PCDHGA8: variants seen among roughly 807,000 people sequenced by gnomAD.
The protein encoded by PCDHGA8 is protocadherin gamma subfamily A, 8, also known as protocadherin gamma-A8.
In PCDHGA8, 45 loss-of-function variants were observed where a neutral mutation model predicts 59.2. That is an observed-to-expected ratio of 0.76 (90% CI 0.60 to 0.98). The LOEUF is 0.98. Ranked by LOEUF, PCDHGA8 falls within the 50% of genes least tolerant of loss-of-function variation. The pLI is 0.00. For missense variants in PCDHGA8, 1,257 were observed against 1,196.2 expected (o/e 1.05, Z -0.75); for synonymous variants, 531 against 519.0 (o/e 1.02, Z -0.32).
chr5:141,447,430 A>G (rs960560239), intron 1 of PCDHGA8, among the ~76,000 whole-genome samples: 9 of 152,156 alleles, frequency 5.9e-5, no homozygotes, highest in African/African-American at 2.2e-4. Flanking sequence ...GAGCCACCGC[A>G]CCCGGAGGAA....
chr5:141,431,790 C>T lies in PCDHGA8; in HGVS notation c.2424+36553C>T, dbSNP rs2097417829. On this transcript the variant is annotated intron_variant, in intron 1 of 3. Transcript: ENST00000398604. This position sits in a 1 kb window ranked among gnomAD's most constrained non-coding sequence, Gnocchi z 4.8. The stretch of plus-strand genomic sequence containing the variant: ...ACTGTTCTGGACGTGAACGACAATG[C>T]CCCAGAAGTGGTCCTCACCTCTCTC... 4.3e-6 allele frequency: 7 copies of T among 1,614,186 alleles called. No individual in the cohort carries two copies. The highest frequency in any genetic ancestry group is 5.9e-6 in the Non-Finnish European group (7 of 1,180,016).
chr5:141,436,859 A>T (rs550974791), intron 1 of PCDHGA8, among the ~76,000 whole-genome samples: 1 of 152,250 alleles, frequency 6.6e-6, no homozygotes, highest in Non-Finnish European at 1.5e-5. Flanking sequence ...TTGAGAAGCC[A>T]CAGTTTTAGG....
chr5:141,477,080 A>C lies in PCDHGA8; in HGVS notation c.2425-17727A>C. 1 of 1,614,254 alleles carries C rather than the reference A, an allele frequency of 6.2e-7. No homozygotes were observed. ...GGACACCAAACTCCATGAGATTTAC[A>C]TCCAGGCCAAAGACAAGGGCGCCAA... On this transcript the variant is annotated intron_variant, in intron 1 of 3. Coordinates refer to ENST00000398604, the MANE Select transcript of PCDHGA8 (RefSeq NM_032088.2). This position sits in a 1 kb window ranked among gnomAD's most constrained non-coding sequence, Gnocchi z 4.9.
chr5:141,490,338 C>A lies in PCDHGA8; in HGVS notation c.2425-4469C>A, dbSNP rs1408559629. Reference sequence around the variant, plus strand: ...CTGTCCTAGAGAGCACACCAGTGGGCACAGTAGTGGGGTTGTTTAATGTGC... The same window carrying A: ...CTGTCCTAGAGAGCACACCAGTGGGAACAGTAGTGGGGTTGTTTAATGTGC... On this transcript the variant is annotated intron_variant, in intron 1 of 3. Coordinates refer to ENST00000398604, the MANE Select transcript of PCDHGA8 (RefSeq NM_032088.2). This position sits in a 1 kb window ranked among gnomAD's most constrained non-coding sequence, Gnocchi z 5.4. 6.2e-7 allele frequency: 1 copy of A among 1,614,184 alleles called. No homozygotes were observed. The highest frequency in any genetic ancestry group is 1.7e-5 in the Admixed American group (1 of 60,032).
At chr5:141,418,349 A>G in intron 1 of PCDHGA8, 1 of 1,614,016 alleles carries the variant, frequency 6.2e-7, no homozygotes, top group South Asian at 1.1e-5. Context: ...TGATATTAGT[A>G]TGAATTCGCT....
In PCDHGA8 at chr5:141,428,992, C is replaced by A. The variant is rs986416866; in HGVS notation, c.2424+33755C>A. The A allele has an allele frequency of 1.3e-4, 20 of 152,092 alleles. 1 individual carries two copies. Among genetic ancestry groups the A allele is most frequent in the Admixed American group, 1.2e-3 (18 of 15,248 alleles). 9.4% of individuals were successfully genotyped at this position (152,092 alleles called of 1,614,324 possible). On this transcript the variant is annotated intron_variant, in intron 1 of 3. Transcript: ENST00000398604. Reference sequence around the variant, plus strand: ...GCCTCAGCCTCCCGGGTAGCTGGGACTACAGGCGCCCGCCACCACGCCCGG... The same window carrying A: ...GCCTCAGCCTCCCGGGTAGCTGGGAATACAGGCGCCCGCCACCACGCCCGG...
intron 1 of PCDHGA8, chr5:141,428,330 T>C: frequency 1.6e-6 from 1 of 628,558 alleles, no homozygotes; most frequent in Non-Finnish European, 2.9e-6. Flanking sequence ...TTGATTTCTA[T>C]GCTCTTCTTC....
intron 1 of PCDHGA8, chr5:141,418,087 C>G (rs2096220274): frequency 6.2e-7 from 1 of 1,613,894 alleles, no homozygotes; most frequent in African/African-American, 1.3e-5. Context: ...TGCACTTCAG[C>G]GTAGACGCGC....
intron 1 of PCDHGA8, chr5:141,403,591 G>A (rs1377998886): frequency 2.5e-6 from 4 of 1,613,836 alleles, no homozygotes; most frequent in East Asian, 2.2e-5. Context: ...TGGTCCTCAC[G>A]GCCTCGGATG....
At chr5:141,473,205 A>G (rs370808895) in intron 1 of PCDHGA8, among the ~76,000 whole-genome samples, 1 of 152,036 alleles carries the variant, frequency 6.6e-6, no homozygotes, top group African/African-American at 2.4e-5. Flanking sequence ...CTTCTAAAAA[A>G]TGCTTACTTC....
At chr5:141,444,152 ATTTTTTTTTTTTTTTTTTT>A (rs747671382) in intron 1 of PCDHGA8, among the ~76,000 whole-genome samples, 14 of 33,898 alleles carry the variant, frequency 4.1e-4, no homozygotes, top group South Asian at 3.1e-3. Flanking sequence ...TGTGTACTGG[ATTTTTTTTTTTTTTTTTTT>A]TTTTTTTTTT....
chr5:141,494,950 A>T, intron 2 of PCDHGA8, 85 bp downstream of exon 2: 2 of 1,607,070 alleles, frequency 1.2e-6, no homozygotes, highest in African/African-American at 2.7e-5. Context: ...AGGGCCCAGC[A>T]TTTGCTACAG....
intron 1 of PCDHGA8, chr5:141,404,432 GATACC>G: frequency 6.2e-7 from 1 of 1,613,380 alleles, no homozygotes; most frequent in African/African-American, 1.3e-5. Context: ...CTTGGCAGAG[GATACC>G]ATCCAAGGGT....
intron 1 of PCDHGA8, chr5:141,404,860 T>C (rs3749769): frequency 0.09 from 144,859 of 1,613,622 alleles, 7,500 homozygotes; most frequent in African/African-American, 0.18. Context: ...TAGATAGAGA[T>C]GCGCTCAAAC....
At chr5:141,478,926 G>A in intron 1 of PCDHGA8, 1 of 687,216 alleles carries the variant, frequency 1.5e-6, no homozygotes, top group Non-Finnish European at 2.3e-6. Flanking sequence ...CTAACCAGTG[G>A]CAGCTTCTAG....
chr5:141,428,344 G>T (rs970552377), intron 1 of PCDHGA8: 3 of 596,498 alleles, frequency 5.0e-6, no homozygotes, highest in Non-Finnish European at 6.1e-6. Flanking sequence ...CTTCTTCCTC[G>T]CAGTGATTTT....
At chr5:141,425,640 C>G (rs2096886863) in intron 1 of PCDHGA8, among the ~76,000 whole-genome samples, 1 of 152,206 alleles carries the variant, frequency 6.6e-6, no homozygotes, top group Non-Finnish European at 1.5e-5. Flanking sequence ...TCTGATAAAA[C>G]TAGGAGGAAA....
intron 1 of PCDHGA8, chr5:141,395,542 T>G (rs1357533541): frequency 1.8e-5 from 3 of 170,278 alleles, no homozygotes; most frequent in South Asian, 8.8e-5. Context: ...TTGCTATTGT[T>G]TGTGTGTGTG....
intron 1 of PCDHGA8, among the ~76,000 whole-genome samples, chr5:141,455,146 A>G (rs2098814943): frequency 6.7e-6 from 1 of 149,242 alleles, no homozygotes; most frequent in South Asian, 2.1e-4. Flanking sequence ...TGTTAAATAA[A>G]TATTAGTTTG....
Sources: gnomAD v4.1 joint callset for allele counts (sites outside exome capture counted in the v4.1 genomes callset) on GRCh38, gnomAD v4.1.1 for gene constraint, Gnocchi (gnomAD v3.1) non-coding constraint, MANE v1.5 for transcripts, NCBI Gene and HGNC (gene_info 2026-07-23, HGNC 2026-07-21) for gene names.